MADD: variants seen among roughly 807,000 people sequenced by gnomAD.
MADD encodes MAP kinase activating death domain.
A neutral mutation model predicts 176.7 loss-of-function variants in MADD; 109 were observed. The ratio of observed to expected loss-of-function variants is 0.62; its 90% CI spans 0.53 to 0.72. The LOEUF is 0.72. Among genes scored for constraint, MADD ranks in the 30% least tolerant of loss-of-function variants. The pLI, the probability that MADD is intolerant of heterozygous loss-of-function variation, is 0.00. For missense variants in MADD, 1,914 were observed against 2,045.5 expected (o/e 0.94, Z 1.24); for synonymous variants, 771 against 771.3 (o/e 1.00, Z 0.01).
At position 47,286,422 on chromosome 11, in the gene MADD, C is replaced by T; in HGVS notation, c.2552-11C>T. On this transcript the variant is annotated splice_polypyrimidine_tract_variant and intron_variant, in intron 14 of 32. Coordinates refer to ENST00000402192, the Ensembl canonical transcript of MADD. Reference sequence around the variant, plus strand: ...TGCCAAGTCATCGCTCTTGCACCCTCCCCTTGATAGGCAGCCTCTATCGGA... The same window carrying T: ...TGCCAAGTCATCGCTCTTGCACCCTTCCCTTGATAGGCAGCCTCTATCGGA... The T allele has an allele frequency of 6.3e-7, 1 of 1,599,034 alleles. No individual in the cohort carries two copies. Among genetic ancestry groups the T allele is most frequent in the Admixed American group, 1.7e-5 (1 of 59,990 alleles).
intron 22 of MADD, among the ~76,000 whole-genome samples, chr11:47,297,678 C>T (rs1180639522): frequency 6.6e-6 from 1 of 151,374 alleles, no homozygotes; most frequent in Non-Finnish European, 1.5e-5. Flanking sequence ...GATCTCCTGA[C>T]TTCGTGATCT....
intron 14 of MADD, among the ~76,000 whole-genome samples, chr11:47,286,053 A>G (rs1475817242): frequency 3.9e-5 from 6 of 152,228 alleles, no homozygotes; most frequent in African/African-American, 9.7e-5. Flanking sequence ...AAGACAGACC[A>G]TGGACTAGAG....
At chr11:47,322,897 A>C (rs1392020260) in intron 27 of MADD, among the ~76,000 whole-genome samples, 2 of 152,166 alleles carry the variant, frequency 1.3e-5, no homozygotes, top group Admixed American at 1.3e-4. Flanking sequence ...AGATGGAGGC[A>C]TGAGATCTCC....
chr11:47,327,521 G>A (rs978924858), intron 31 of MADD: 6 of 985,248 alleles, frequency 6.1e-6, no homozygotes, highest in South Asian at 4.7e-5. Flanking sequence ...AGCTCCCATC[G>A]AACCAGCTCC....
At chr11:47,305,119 GTCC>G (rs1054756410) in intron 22 of MADD, among the ~76,000 whole-genome samples, 5 of 152,070 alleles carry the variant, frequency 3.3e-5, no homozygotes, top group Admixed American at 3.3e-4. Context: ...GAGTTTTGGA[GTCC>G]TCCTATTCTC....
chr11:47,287,780 G>GTTTTTTTTTTT (rs1414985143), intron 15 of MADD, among the ~76,000 whole-genome samples: 1 of 117,080 alleles, frequency 8.5e-6, no homozygotes, highest in African/African-American at 3.2e-5. Flanking sequence ...TGAGAAACAT[G>GTTTTTTTTTTT]TATTTTTTTT....
Position 47,273,847 on chromosome 11 carries a change from T to A in MADD, c.-68T>A. The A allele has an allele frequency of 2.2e-6, 3 of 1,383,568 alleles. No individual in the cohort carries two copies. The South Asian group carries it at 3.5e-5, about 16-fold the overall frequency. 85.7% of individuals were successfully genotyped at this position (1,383,568 alleles called of 1,614,324 possible). On this transcript the variant is annotated 5_prime_UTR_variant, in exon 2 of 33. Coordinates refer to ENST00000402192, the Ensembl canonical transcript of MADD. ...ATTAGACTTCGATTTTCAGAATTCC[T>A]CCTGGGAATGCTGACTCCTTGCTTG...
chr11:47,319,668 T>C (rs1156268881), intron 27 of MADD, among the ~76,000 whole-genome samples: 4 of 152,196 alleles, frequency 2.6e-5, no homozygotes, highest in Non-Finnish European at 5.9e-5. Flanking sequence ...AATTTTGTTT[T>C]TGCACTTACG....
At chr11:47,279,643 T>C in intron 7 of MADD, among the ~76,000 whole-genome samples, 1 of 151,974 alleles carries the variant, frequency 6.6e-6, no homozygotes, top group East Asian at 1.9e-4. Context: ...CCTCCCGAAG[T>C]GCTGGGATTA....
exon 24 of MADD, chr11:47,309,399 C>T: frequency 6.2e-7 from 1 of 1,614,160 alleles, no homozygotes; most frequent in Non-Finnish European, 8.5e-7. Flanking sequence ...AAATGATCGA[C>T]AGGTATGGGG....
chr11:47,326,609 G>A, intron 30 of MADD, 57 bp downstream of exon 34: 1 of 1,477,462 alleles, frequency 6.8e-7, no homozygotes, highest in South Asian at 1.4e-5. Flanking sequence ...TGTGCGTGTG[G>A]ATTCTTCTGT....
intron 22 of MADD, among the ~76,000 whole-genome samples, chr11:47,306,996 G>T (rs532066998): frequency 1.1e-3 from 161 of 152,088 alleles, no homozygotes; most frequent in African/African-American, 3.7e-3. Context: ...CAAACTTCTG[G>T]GCTCAAGCAA....
chr11:47,270,348 C>G (rs1455184565), intron 1 of MADD, 102 bp downstream of exon 1: 17 of 150,438 alleles, frequency 1.1e-4, no homozygotes, highest in African/African-American at 4.2e-4. Flanking sequence ...GAAGGGGTCT[C>G]TCAGGAGGCC....
At position 47,290,673 on chromosome 11, in the gene MADD, G is replaced by A; in HGVS notation, c.3158G>A (p.Gly1053Asp). 6.2e-7 allele frequency: 1 copy of A among 1,614,144 alleles called. No homozygotes were observed. Residue 1053 changes from glycine (G) to aspartate (D), a missense_variant, in exon 19 of 33, where the codon GGC becomes GAC. Transcript: ENST00000402192. ...AATACCCCAGTTGGCAAGGATCCTG[G>A]CCTAGCTGGGCGGGGGGACCCAAAG...
At position 47,319,624 on chromosome 11, in the gene MADD, T is replaced by G. The variant is rs565382982; in HGVS notation, c.4198-4047T>G. On this transcript the variant is annotated intron_variant, in intron 27 of 32. Transcript: ENST00000402192. ...GTGACTCCTTTCAGATTATTGAAAA[T>G]GCATATTTGTGCAAATATAATTTAT... 9.2e-5 allele frequency among the ~76,000 whole-genome samples: 14 copies of G among 152,334 alleles called. 1 individual carries two copies. The South Asian group carries it at 2.9e-3, about 32-fold the overall frequency.
intron 25 of MADD, 152 bp from the exon 29 acceptor site, chr11:47,311,580 C>G: frequency 1.7e-6 from 1 of 594,218 alleles, no homozygotes; most frequent in African/African-American, 1.9e-5. Flanking sequence ...GCAGAATACA[C>G]AGTTGAAAGT....
At chr11:47,310,190 C>CT (rs144941495) in intron 25 of MADD, among the ~76,000 whole-genome samples, 38,946 of 147,916 alleles carry the variant, frequency 0.26, 6,078 homozygotes, top group East Asian at 0.6. Flanking sequence ...TTTTCATTTT[C>CT]TTTTTTTTTG....
rs2066015816 is a variant in MADD at position 47,292,321 on chromosome 11, G to A, written c.3301+1505G>A. On this transcript the variant is annotated intron_variant, in intron 19 of 32. Transcript: ENST00000402192. Reference sequence around the variant, plus strand: ...TCTGCAGGGTTTTTACTGCCACATTGGGATTGGAATTAGAAATTTGGAATC... The same window carrying A: ...TCTGCAGGGTTTTTACTGCCACATTAGGATTGGAATTAGAAATTTGGAATC... 6.6e-6 allele frequency among the ~76,000 whole-genome samples: 1 copy of A among 152,122 alleles called. No individual in the cohort carries two copies. The highest frequency in any genetic ancestry group is 2.4e-5 in the African/African-American group (1 of 41,424).
chr11:47,285,292 G>T (rs944683893), intron 13 of MADD, 98 bp downstream of exon 13: 2 of 1,557,228 alleles, frequency 1.3e-6, no homozygotes, highest in Non-Finnish European at 8.7e-7. Flanking sequence ...AAGTCTGAAT[G>T]CTCTCGTGGT....
Sources: allele counts gnomAD v4.1 joint callset (sites outside exome capture counted in the v4.1 genomes callset), GRCh38; gene constraint gnomAD v4.1.1; transcripts MANE v1.5; gene names NCBI Gene and HGNC (gene_info 2026-07-23, HGNC 2026-07-21).